Variants in PUM1 observed in about 807,000 individuals in gnomAD.
PUM1 encodes pumilio RNA binding family member 1.
In PUM1, 13 loss-of-function variants were observed where a neutral mutation model predicts 131.8. The observed-to-expected ratio is 0.10, with a 90% CI of 0.06 to 0.16. PUM1 has a LOEUF of 0.16. Among genes scored for constraint, PUM1 ranks in the 10% least tolerant of loss-of-function variants. PUM1 has a pLI of 1.00. For missense variants in PUM1, 961 were observed against 1,512.4 expected (o/e 0.64, Z 6.05); for synonymous variants, 509 against 556.5 (o/e 0.91, Z 1.20).
rs374894377 is a variant in PUM1, at chr1:30,992,513, G to T, written c.1035C>A (p.Val345=). ...EDFSNMESQS[V]PLDPMEHVGM... ...CCACATGTTCCATGGGGTCCAAGGG[G>T]ACACTCTGGGACTCCATGTTGGAGA... is the stretch of plus-strand genomic sequence containing the variant. Residue 345 remains valine (V), a synonymous_variant, in exon 7 of 22, where the codon GTC becomes GTA. Coordinates refer to ENST00000426105, the MANE Select transcript of PUM1 (RefSeq NM_001020658.2). 1.9e-6 allele frequency: 3 copies of T among 1,614,218 alleles called. No individual in the cohort carries two copies. The highest frequency in any genetic ancestry group is 2.2e-5 in the East Asian group (1 of 44,886).
At chr1:30,950,366 T>C in intron 16 of PUM1, 105 bp from the exon 17 acceptor site, 1 of 1,174,006 alleles carries the variant, frequency 8.5e-7, no homozygotes, top group Non-Finnish European at 1.2e-6. Flanking sequence ...TAACCTCTTT[T>C]AGCCCTGATA....
intron 20 of PUM1, among the ~76,000 whole-genome samples, chr1:30,939,800 G>A (rs1236834948): frequency 6.6e-6 from 1 of 152,194 alleles, no homozygotes; most frequent in Non-Finnish European, 1.5e-5. Context: ...CTAGGCTGCA[G>A]TGAGCTAGGA....
intron 14 of PUM1, among the ~76,000 whole-genome samples, chr1:30,956,362 G>A (rs1279433697): frequency 6.6e-6 from 1 of 151,980 alleles, no homozygotes; most frequent in Non-Finnish European, 1.5e-5. Context: ...CTCCCAGGTT[G>A]AAGCAATTCT....
chr1:30,971,553 A>G (rs369554612), intron 10 of PUM1, among the ~76,000 whole-genome samples: 60 of 152,324 alleles, frequency 3.9e-4, no homozygotes, highest in Middle Eastern at 6.8e-3. Context: ...GAAGAAACAC[A>G]AGATCTCAGA....
chr1:30,934,087 G>A (rs1228170525), intron 21 of PUM1, among the ~76,000 whole-genome samples: 5 of 152,110 alleles, frequency 3.3e-5, no homozygotes, highest in African/African-American at 4.8e-5. Context: ...CAGGCTCTCC[G>A]ACCTATGCTC....
chr1:31,019,802 C>A (rs770295997), intron 3 of PUM1, among the ~76,000 whole-genome samples: 2 of 152,068 alleles, frequency 1.3e-5, no homozygotes, highest in African/African-American at 4.8e-5. Flanking sequence ...CAGAGTGAAT[C>A]GGGCTTTTCT....
chr1:31,016,986 T>A (rs1251334522), intron 3 of PUM1, among the ~76,000 whole-genome samples: 1 of 152,178 alleles, frequency 6.6e-6, no homozygotes, highest in African/African-American at 2.4e-5. Flanking sequence ...AAGGATGAAA[T>A]CAAGGAGATC....
At chr1:30,954,090 A>G (rs1237020174) in intron 14 of PUM1, 109 bp from the exon 15 acceptor site, 2 of 1,190,938 alleles carry the variant, frequency 1.7e-6, no homozygotes, top group Admixed American at 2.4e-5. Flanking sequence ...GATTTCTTCA[A>G]TGCTGTTGTT....
At chr1:30,997,989 G>A (rs1222420095) in intron 5 of PUM1, among the ~76,000 whole-genome samples, 2 of 151,938 alleles carry the variant, frequency 1.3e-5, no homozygotes, top group Admixed American at 1.3e-4. Context: ...TACCAATATC[G>A]TACAGGCCAT....
At chr1:31,047,814 T>TG (rs1644005767) in intron 2 of PUM1, among the ~76,000 whole-genome samples, 1 of 152,164 alleles carries the variant, frequency 6.6e-6, no homozygotes, top group Non-Finnish European at 1.5e-5. Flanking sequence ...TGTTGGCACA[T>TG]GCCTGTAATC....
chr1:30,972,360 AGGG>A (rs1376161970), intron 10 of PUM1, among the ~76,000 whole-genome samples: 2 of 32 alleles, frequency 0.062, 1 homozygote, highest in Non-Finnish European at 0.11. Context: ...AGGGGAGGGG[AGGG>A]GAGGGGAGGG....
intron 2 of PUM1, among the ~76,000 whole-genome samples, chr1:31,043,643 T>G (rs1188605257): frequency 6.6e-6 from 1 of 152,198 alleles, no homozygotes; most frequent in African/African-American, 2.4e-5. Context: ...ATCAATCAAC[T>G]GCATATTCAT....
In PUM1 at chr1:31,003,299, A is replaced by C. The variant is rs919202653; in HGVS notation, c.720+2554T>G. Among the ~76,000 whole-genome samples the C allele has an allele frequency of 7.2e-5, 11 of 152,196 alleles. No individual in the cohort carries two copies. In the East Asian group the frequency reaches 2.1e-3, roughly 29 times the overall value. On this transcript the variant is annotated intron_variant, in intron 5 of 21. Coordinates refer to ENST00000426105, the MANE Select transcript of PUM1 (RefSeq NM_001020658.2). ...ACTTTAAATGACAGACTAGACTTTA[A>C]AAGAAAAGGCTCACTTTCCTCAAGA...
chr1:31,001,536 A>G (rs1449033583), intron 5 of PUM1, among the ~76,000 whole-genome samples: 2 of 152,234 alleles, frequency 1.3e-5, no homozygotes, highest in Non-Finnish European at 2.9e-5. Flanking sequence ...AATTGAAATT[A>G]GAACAAACAA....
Position 30,966,264 on chromosome 1 carries a change from C to T in PUM1, c.1804G>A (p.Ala602Thr), listed in dbSNP as rs768025840. 6.3e-6 allele frequency: 10 copies of T among 1,598,450 alleles called. No individual in the cohort carries two copies. The highest frequency in any genetic ancestry group is 3.4e-5 in the Admixed American group (2 of 59,180). ...CCAGCTGCTCCATTTGCTGAAGCTG[C>T]GGCTGCTGCAACAGCTATGAAGAAG... is the stretch of plus-strand genomic sequence containing the variant. ...SAAQAAVAAA[A>T]ASANGAAGGL... The change falls in exon 13 of 22, where the codon GCA (alanine) becomes ACA (threonine). Residue 602 changes from alanine (A) to threonine (T), a missense_variant. Ala to Thr is a moderately conservative substitution (Grantham distance 58). This residue lies in a region of PUM1 where 654 missense variants were observed against 923.9 expected (regional missense o/e 0.71). Coordinates refer to ENST00000426105, the MANE Select transcript of PUM1 (RefSeq NM_001020658.2).
intron 2 of PUM1, among the ~76,000 whole-genome samples, chr1:31,057,724 CAAAAAAA>C (rs58490041): frequency 1.4e-5 from 1 of 72,484 alleles, no homozygotes; most frequent in Non-Finnish European, 2.4e-5. Context: ...GACTCCATCT[CAAAAAAA>C]AAAAAAAAAA....
intron 7 of PUM1, among the ~76,000 whole-genome samples, chr1:30,985,696 C>G (rs1352147616): frequency 6.6e-6 from 1 of 150,966 alleles, no homozygotes; most frequent in Non-Finnish European, 1.5e-5. Context: ...GCACCAGGAC[C>G]ACCAGCTGCT....
At chr1:30,971,643 T>C (rs1640874801) in intron 10 of PUM1, among the ~76,000 whole-genome samples, 1 of 152,188 alleles carries the variant, frequency 6.6e-6, no homozygotes, top group Non-Finnish European at 1.5e-5. Context: ...TCTTAACAAC[T>C]TTGTATTTGT....
chr1:30,960,738 C>G (rs1570136923), intron 14 of PUM1, among the ~76,000 whole-genome samples: 1 of 152,178 alleles, frequency 6.6e-6, no homozygotes, highest in Middle Eastern at 3.4e-3. Context: ...GGTGCTAGGA[C>G]AACTAGAAAT....
Sources: gnomAD v4.1 joint callset for allele counts (sites outside exome capture counted in the v4.1 genomes callset) on GRCh38, gnomAD v4.1.1 for gene constraint, gnomAD v4.1.1 regional missense constraint, MANE v1.5 for transcripts, NCBI Gene and HGNC (gene_info 2026-07-23, HGNC 2026-07-21) for gene names.